ANGPT1: variants seen among roughly 807,000 people sequenced by gnomAD.
ANGPT1 encodes the protein angiopoietin 1, also known as angiopoietin-1.
Under a neutral mutation model 62.2 loss-of-function variants are expected in ANGPT1, and 17 were observed. That is an observed-to-expected ratio of 0.27 (90% CI 0.19 to 0.41). ANGPT1 has a LOEUF of 0.41. Among genes scored for constraint, ANGPT1 ranks in the 10% least tolerant of loss-of-function variants. The pLI is 1.00. For missense variants in ANGPT1, 478 were observed against 594.9 expected, an observed-to-expected ratio of 0.80 and a Z score of 2.04; for synonymous variants, 199 against 198.9, an observed-to-expected ratio of 1.00 and a Z score of 0.00.
chr8:107,389,720 T>C (rs1260788081), intron 1 of ANGPT1, among the ~76,000 whole-genome samples: 1 of 152,128 alleles, frequency 6.6e-6, no homozygotes. Context: ...TTGTAGCTCT[T>C]TAGAAACATA....
intron 8 of ANGPT1, among the ~76,000 whole-genome samples, chr8:107,257,534 A>G (rs925786678): frequency 6.6e-5 from 10 of 152,210 alleles, no homozygotes; most frequent in Admixed American, 6.5e-4. Flanking sequence ...TAAAATGTAC[A>G]GCAAAATGAA....
intron 1 of ANGPT1, among the ~76,000 whole-genome samples, chr8:107,366,484 T>G (rs148953139): frequency 0.011 from 1,709 of 152,356 alleles, 22 homozygotes; most frequent in Middle Eastern, 0.024. Flanking sequence ...ATACGTTTGC[T>G]GTGTTTTTTT....
intron 1 of ANGPT1, among the ~76,000 whole-genome samples, chr8:107,413,815 G>A (rs1276782900): frequency 2.6e-5 from 4 of 151,916 alleles, no homozygotes; most frequent in South Asian, 2.1e-4. Flanking sequence ...ACATTAGAGC[G>A]GGAAAGAAAA....
chr8:107,348,743 T>C (rs1586245353), intron 1 of ANGPT1, among the ~76,000 whole-genome samples: 1 of 152,218 alleles, frequency 6.6e-6, no homozygotes, highest in African/African-American at 2.4e-5. Flanking sequence ...GGATTCCACA[T>C]CCTATGTTCC....
At chr8:107,336,051 T>C (rs759508076) in intron 3 of ANGPT1, 99 bp downstream of exon 3, 1 of 1,215,238 alleles carries the variant, frequency 8.2e-7, no homozygotes, top group East Asian at 2.9e-5. Context: ...ATTTCATTTT[T>C]GTAAACCACC....
At position 107,336,534 on chromosome 8, in the gene ANGPT1, G is replaced by C. The variant is rs866235932; in HGVS notation, c.454-263C>G. The C allele has an allele frequency of 1.0e-5, 3 of 299,618 alleles. 1 individual carries two copies. Among genetic ancestry groups the C allele is most frequent in the South Asian group, 8.6e-5 (2 of 23,320 alleles). 18.6% of individuals were successfully genotyped at this position (299,618 alleles called of 1,614,324 possible). ...CAAAAACTTAGCCGGGCGTGGTAGC[G>C]GGCGCCTGTAGTCCCAGCTACTCGG... On this transcript the variant is annotated intron_variant, in intron 2 of 8. Coordinates refer to ENST00000517746, the MANE Select transcript of ANGPT1 (RefSeq NM_001146.5).
chr8:107,255,452 T>C (rs374045995), intron 8 of ANGPT1, among the ~76,000 whole-genome samples: 2 of 152,130 alleles, frequency 1.3e-5, no homozygotes, highest in Non-Finnish European at 2.9e-5. Context: ...TTTTGGGCAA[T>C]GGGAAGCCTG....
chr8:107,308,347 G>C (rs1433404161), intron 4 of ANGPT1, among the ~76,000 whole-genome samples: 1 of 152,150 alleles, frequency 6.6e-6, no homozygotes, highest in Non-Finnish European at 1.5e-5. Flanking sequence ...TCATGGTAAG[G>C]TTTCAAACAA....
chr8:107,435,179 C>T (rs1314761460), intron 1 of ANGPT1, among the ~76,000 whole-genome samples: 1 of 152,106 alleles, frequency 6.6e-6, no homozygotes, highest in East Asian at 1.9e-4. Flanking sequence ...GATTGTGGTG[C>T]AAACTGCACT....
chr8:107,349,678 A>T (rs1439541029), intron 1 of ANGPT1, among the ~76,000 whole-genome samples: 7 of 152,108 alleles, frequency 4.6e-5, no homozygotes, highest in African/African-American at 7.2e-5. Flanking sequence ...AGAAACCCCC[A>T]AACAACTTGC....
chr8:107,254,420 C>T (rs1447382964), intron 8 of ANGPT1, among the ~76,000 whole-genome samples: 1 of 151,692 alleles, frequency 6.6e-6, no homozygotes, highest in Non-Finnish European at 1.5e-5. Context: ...TAGGTTGGTG[C>T]AAAAGTAACT....
At chr8:107,353,973 T>C (rs1162722009) in intron 1 of ANGPT1, among the ~76,000 whole-genome samples, 3 of 152,168 alleles carry the variant, frequency 2.0e-5, no homozygotes, top group Non-Finnish European at 4.4e-5. Context: ...AACATCCCAC[T>C]GAGGCATATA....
intron 1 of ANGPT1, among the ~76,000 whole-genome samples, chr8:107,366,795 A>C (rs901557473): frequency 3.3e-5 from 5 of 152,204 alleles, no homozygotes; most frequent in Admixed American, 2.0e-4. Flanking sequence ...TGATCAATAG[A>C]ATATGGCAGA....
At chr8:107,430,681 G>A (rs1811161482) in intron 1 of ANGPT1, among the ~76,000 whole-genome samples, 1 of 152,148 alleles carries the variant, frequency 6.6e-6, no homozygotes. Flanking sequence ...GAAGCAAGAG[G>A]TTATACTGAT....
intron 8 of ANGPT1, among the ~76,000 whole-genome samples, chr8:107,255,304 T>C (rs1813332131): frequency 6.6e-6 from 1 of 152,212 alleles, no homozygotes; most frequent in African/African-American, 2.4e-5. Flanking sequence ...GTCTGTACTC[T>C]GGAAGACCAG....
At chr8:107,491,470 T>C (rs1020891199) in intron 1 of ANGPT1, among the ~76,000 whole-genome samples, 1 of 152,094 alleles carries the variant, frequency 6.6e-6, no homozygotes, top group Non-Finnish European at 1.5e-5. Flanking sequence ...AGTCTCTTAG[T>C]AAAGTGGGGA....
chr8:107,312,103 C>T (rs1814884976), intron 4 of ANGPT1, among the ~76,000 whole-genome samples: 1 of 150,850 alleles, frequency 6.6e-6, no homozygotes, highest in Non-Finnish European at 1.5e-5. Context: ...AAATACTTGA[C>T]TAAAAGGTAC....
intron 1 of ANGPT1, among the ~76,000 whole-genome samples, chr8:107,438,192 C>A (rs1811379443): frequency 6.6e-6 from 1 of 152,106 alleles, no homozygotes; most frequent in Admixed American, 6.5e-5. Flanking sequence ...TAATAATGGC[C>A]CATGTGAAAT....
chr8:107,328,862 A>G (rs551808846), intron 3 of ANGPT1, among the ~76,000 whole-genome samples: 32 of 152,064 alleles, frequency 2.1e-4, no homozygotes, highest in African/African-American at 7.2e-4. Flanking sequence ...TCTATAAAAA[A>G]TTTAAATTAT....
Sources: gnomAD v4.1 joint callset for allele counts (sites outside exome capture counted in the v4.1 genomes callset) on GRCh38, gnomAD v4.1.1 for gene constraint, MANE v1.5 for transcripts, NCBI Gene and HGNC (gene_info 2026-07-23, HGNC 2026-07-21) for gene names.